The following CSMD3 variants were observed in gnomAD, a reference collection of about 807,000 sequenced individuals.
CSMD3 encodes CUB and sushi domain-containing protein 3.
In CSMD3, 177 loss-of-function variants were observed where a neutral mutation model predicts 435.2. The ratio of observed to expected loss-of-function variants is 0.41; its 90% CI spans 0.36 to 0.46. The LOEUF (loss-of-function observed/expected upper bound fraction) is 0.46. CSMD3 is among the 20% of genes least tolerant of loss of function. The probability of loss-of-function intolerance (pLI) is 0.34; values close to 1 mark genes in which losing one functional copy is unlikely to be tolerated. For synonymous variants in CSMD3, 1,656 were observed against 1,520.5 expected (o/e 1.09, Z -2.07); for missense variants, 4,265 against 4,504.6 (o/e 0.95, Z 1.52).
intron 13 of CSMD3, among the ~76,000 whole-genome samples, chr8:112,780,298 A>T (rs1201958547): frequency 6.6e-6 from 1 of 152,112 alleles, no homozygotes; most frequent in African/African-American, 2.4e-5. Flanking sequence ...TAGGAACTAT[A>T]AGAGAAGTCA....
chr8:112,770,301 C>T (rs967421877), intron 13 of CSMD3, among the ~76,000 whole-genome samples: 3 of 151,900 alleles, frequency 2.0e-5, no homozygotes, highest in Admixed American at 6.6e-5. Context: ...TAAAAAAGCT[C>T]ATGAAGTGGG....
chr8:112,297,264 A>G (rs1026918588), intron 53 of CSMD3, among the ~76,000 whole-genome samples: 5 of 151,282 alleles, frequency 3.3e-5, no homozygotes, highest in African/African-American at 1.2e-4. Flanking sequence ...AAAAAAAAAA[A>G]AATTAAAAAG....
At chr8:112,350,520 A>G (rs973368828) in intron 40 of CSMD3, among the ~76,000 whole-genome samples, 15 of 152,040 alleles carry the variant, frequency 9.9e-5, no homozygotes, top group Admixed American at 2.6e-4. Context: ...TAGTACTCCA[A>G]ATAGTAATTG....
At chr8:113,370,679 G>T (rs1196954994) in intron 1 of CSMD3, among the ~76,000 whole-genome samples, 1 of 151,790 alleles carries the variant, frequency 6.6e-6, no homozygotes, top group East Asian at 1.9e-4. Context: ...ACTATTAAAT[G>T]TTTACTATTC....
At chr8:112,821,270 C>A (rs1309750765) in intron 12 of CSMD3, among the ~76,000 whole-genome samples, 1 of 152,270 alleles carries the variant, frequency 6.6e-6, no homozygotes, top group East Asian at 1.9e-4. Context: ...TTCTTACCAG[C>A]AATGTAAAAT....
At chr8:112,915,747 A>T (rs952227502) in intron 10 of CSMD3, among the ~76,000 whole-genome samples, 2 of 151,846 alleles carry the variant, frequency 1.3e-5, no homozygotes, top group African/African-American at 4.8e-5. Flanking sequence ...GCACTGAACA[A>T]ATTTGAAACC....
chr8:112,472,613 A>G lies in CSMD3; in HGVS notation c.5373T>C (p.Ser1791=). 1 of 1,588,672 alleles carries G rather than the reference A, an allele frequency of 6.3e-7. No homozygotes were observed. Among genetic ancestry groups the G allele is most frequent in the Middle Eastern group, 1.7e-4 (1 of 6,018 alleles). Residue 1791 remains serine (S), a synonymous_variant, in exon 32 of 71, where the codon TCT becomes TCC. Transcript: ENST00000297405. Reference sequence around the variant, plus strand: ...TACCAAACTCCTTTGGAACTGCTATAGAATAAACACAATTATGTCCCACAC... The same window carrying G: ...TACCAAACTCCTTTGGAACTGCTATGGAATAAACACAATTATGTCCCACAC... ...NYSVGHNCVY[S]IAVPKEFVVF...
chr8:112,901,325 A>C (rs2082103977), intron 10 of CSMD3, among the ~76,000 whole-genome samples: 1 of 151,306 alleles, frequency 6.6e-6, no homozygotes, highest in Non-Finnish European at 1.5e-5. Flanking sequence ...CAATTTTGTC[A>C]GTGGGTCCAG....
At chr8:112,528,150 T>A (rs1452364879) in intron 27 of CSMD3, among the ~76,000 whole-genome samples, 1 of 152,182 alleles carries the variant, frequency 6.6e-6, no homozygotes, top group East Asian at 1.9e-4. Flanking sequence ...AAAATTTTAA[T>A]TGAGTTTTTT....
chr8:112,734,703 T>G (rs2132028539), intron 13 of CSMD3, among the ~76,000 whole-genome samples: 1 of 152,110 alleles, frequency 6.6e-6, no homozygotes, highest in East Asian at 1.9e-4. Flanking sequence ...GAAATTCCAC[T>G]GATTTTTTGC....
intron 22 of CSMD3, among the ~76,000 whole-genome samples, chr8:112,616,535 A>T (rs1447316181): frequency 6.6e-6 from 1 of 152,106 alleles, no homozygotes; most frequent in African/African-American, 2.4e-5. Flanking sequence ...CCAACAATCA[A>T]TCCAATGTCT....
At chr8:112,619,280 A>T (rs1452369000) in intron 22 of CSMD3, among the ~76,000 whole-genome samples, 2 of 151,452 alleles carry the variant, frequency 1.3e-5, no homozygotes, top group Admixed American at 6.6e-5. Context: ...TTTTTGGCTC[A>T]GATTACATAT....
chr8:112,484,438 T>C (rs1457043379), intron 31 of CSMD3, among the ~76,000 whole-genome samples: 1 of 152,084 alleles, frequency 6.6e-6, no homozygotes, highest in East Asian at 1.9e-4. Flanking sequence ...GTTACTGTTA[T>C]ATACTTTATT....
At chr8:113,062,803 A>G (rs1002189510) in intron 5 of CSMD3, among the ~76,000 whole-genome samples, 4 of 151,852 alleles carry the variant, frequency 2.6e-5, no homozygotes, top group African/African-American at 7.2e-5. Flanking sequence ...TATTTAAGCT[A>G]TTTAATAGTA....
intron 1 of CSMD3, among the ~76,000 whole-genome samples, chr8:113,347,090 T>C (rs1031891297): frequency 2.0e-5 from 3 of 152,050 alleles, no homozygotes; most frequent in African/African-American, 7.2e-5. Flanking sequence ...TCATGTCTTA[T>C]TACCTGAACA....
At chr8:112,440,778 G>A (rs1214675634) in intron 32 of CSMD3, among the ~76,000 whole-genome samples, 1 of 152,188 alleles carries the variant, frequency 6.6e-6, no homozygotes, top group Non-Finnish European at 1.5e-5. Context: ...GCTATACCTT[G>A]GGCCCTTTTG....
chr8:112,406,516 A>G lies in CSMD3; in HGVS notation c.5809+8T>C, dbSNP rs747846433. 4 of 1,586,120 alleles carry G rather than the reference A, an allele frequency of 2.5e-6. No individual in the cohort carries two copies. In the East Asian group the frequency reaches 9.0e-5, roughly 36 times the overall value. ...ATAATCACAGATCATACAAATTTAT[A>G]TACTCACCAATACAAGTAGGTAAGG... is the stretch of plus-strand genomic sequence containing the variant. On this transcript the variant is annotated splice_region_variant and intron_variant, in intron 35 of 70. Coordinates refer to ENST00000297405, the MANE Select transcript of CSMD3 (RefSeq NM_198123.2).
At chr8:112,478,051 C>G (rs745381049) in intron 31 of CSMD3, among the ~76,000 whole-genome samples, 3 of 152,282 alleles carry the variant, frequency 2.0e-5, no homozygotes, top group East Asian at 3.9e-4. Context: ...CTCTCTCTCT[C>G]TCTTTGCCTG....
chr8:112,877,928 T>C (rs997328040), intron 10 of CSMD3, among the ~76,000 whole-genome samples: 2 of 152,154 alleles, frequency 1.3e-5, no homozygotes, highest in Non-Finnish European at 2.9e-5. Context: ...CAAGGTGGGT[T>C]ATAGACTTAA....
Sources: allele counts gnomAD v4.1 joint callset (sites outside exome capture counted in the v4.1 genomes callset), GRCh38; gene constraint gnomAD v4.1.1; transcripts MANE v1.5; gene names NCBI Gene and HGNC (gene_info 2026-07-23, HGNC 2026-07-21).